PCSK9: variants seen among roughly 807,000 people sequenced by gnomAD.
PCSK9 encodes convertase subtilisin/kexin type 9 preproprotein.
A neutral mutation model predicts 62.1 loss-of-function variants in PCSK9; 57 were observed. That is an observed-to-expected ratio of 0.92 (90% CI 0.74 to 1.14). PCSK9 has a LOEUF of 1.14. Among genes scored for constraint, PCSK9 ranks in the 50% most tolerant of loss-of-function variants. The pLI, the probability that PCSK9 is intolerant of heterozygous loss-of-function variation, is 0.00. For synonymous variants in PCSK9, 387 were observed against 409.4 expected, an observed-to-expected ratio of 0.95 and a Z score of 0.66; for missense variants, 870 against 959.8, an observed-to-expected ratio of 0.91 and a Z score of 1.24.
intron 3 of PCSK9, among the ~76,000 whole-genome samples, chr1:55,048,520 G>A (rs549068537): frequency 6.6e-6 from 1 of 152,332 alleles, no homozygotes; most frequent in African/African-American, 2.4e-5. Context: ...GTCTGTGGGA[G>A]GTGGCAGGAA....
At position 55,061,452 on chromosome 1, in the gene PCSK9, C is replaced by G; in HGVS notation, c.1759C>G (p.Gln587Glu). The change falls in exon 11 of 12, where the codon CAG becomes GAG. Residue 587 changes from glutamine to glutamate, a missense_variant. Coordinates refer to ENST00000302118, the MANE Select transcript of PCSK9 (RefSeq NM_174936.4). ...GCTGAGGCCACGAGGTCAGCCCAAC[C>G]AGTGCGTGGGCCACAGGGAGGCCAG... Reference protein sequence around the residue: ...PVLRPRGQPNQCVGHREASIH... With the variant: ...PVLRPRGQPNECVGHREASIH... 6.2e-7 allele frequency: 1 copy of G among 1,608,976 alleles called. No homozygotes were observed. Among genetic ancestry groups the G allele is most frequent in the Non-Finnish European group, 8.5e-7 (1 of 1,178,428 alleles).
intron 1 of PCSK9, among the ~76,000 whole-genome samples, chr1:55,043,244 T>G (rs1482146110): frequency 6.6e-6 from 1 of 152,230 alleles, no homozygotes; most frequent in East Asian, 1.9e-4. Context: ...CTTTGCTCAC[T>G]TAGTCATCCC....
chr1:55,046,580 A>G lies in PCSK9; in HGVS notation c.457A>G (p.Ser153Gly). The change falls in exon 3 of 12, where the codon AGC (serine) becomes GGC (glycine). Residue 153 changes from serine to glycine, a missense_variant. Coordinates refer to ENST00000302118, the MANE Select transcript of PCSK9 (RefSeq NM_174936.4). ...GGAGGACTCCTCTGTCTTTGCCCAG[A>G]GCATCCCGTGGAACCTGGAGCGGAT... The part of the protein sequence containing the change: ...IEEDSSVFAQ[S>G]IPWNLERITP... The G allele has an allele frequency of 6.2e-7, 1 of 1,614,142 alleles. No homozygotes were observed. Among genetic ancestry groups the G allele is most frequent in the Non-Finnish European group, 8.5e-7 (1 of 1,180,030 alleles).
At position 55,052,761 on chromosome 1, in the gene PCSK9, G is replaced by C; in HGVS notation, c.769G>C (p.Gly257Arg). 1 of 1,613,212 alleles carries C rather than the reference G, an allele frequency of 6.2e-7. No individual in the cohort carries two copies. The highest frequency in any genetic ancestry group is 1.1e-5 in the South Asian group (1 of 91,086). ...MRSLRVLNCQ[G>R]KGTVSGTLIG... Reference sequence around the variant, plus strand: ...CAGCCTGCGCGTGCTCAACTGCCAAGGGAAGGGCACGGTTAGCGGCACCCT... The same window carrying C: ...CAGCCTGCGCGTGCTCAACTGCCAACGGAAGGGCACGGTTAGCGGCACCCT... The change falls in exon 5 of 12, where the codon GGG (glycine) becomes CGG (arginine). Residue 257 changes from glycine (G) to arginine (R), a missense_variant. Gly to Arg is a moderately radical substitution (Grantham distance 125, BLOSUM62 -2). Transcript: ENST00000302118.
chr1:55,056,263 C>T, intron 6 of PCSK9, 74 bp downstream of exon 6: 1 of 1,090,468 alleles, frequency 9.2e-7, no homozygotes. Flanking sequence ...GGCGGGCGGG[C>T]AGGCGGGCTT....
rs2100276777 is a variant in PCSK9 at position 55,046,644 on chromosome 1, C to T, written c.521C>T (p.Pro174Leu). Residue 174 changes from proline to leucine, a missense_variant and splice_region_variant, in exon 3 of 12, where the codon CCC becomes CTC. Coordinates refer to ENST00000302118, the MANE Select transcript of PCSK9 (RefSeq NM_174936.4). ...TACCGGGCGGATGAATACCAGCCCC[C>T]CGGTAAGACCCCCATCTGTGCCCTG... ...PRYRADEYQP[P>L]DGGSLVEVYL... 6.2e-7 allele frequency: 1 copy of T among 1,613,884 alleles called. No individual in the cohort carries two copies.
At chr1:55,055,348 CCCT>C (rs1461802565) in intron 5 of PCSK9, among the ~76,000 whole-genome samples, 1 of 151,398 alleles carries the variant, frequency 6.6e-6, no homozygotes, top group African/African-American at 2.4e-5. Flanking sequence ...GGGAAGTGTG[CCCT>C]TCTCATTCCT....
intron 2 of PCSK9, among the ~76,000 whole-genome samples, chr1:55,044,731 C>T (rs1644621344): frequency 6.6e-6 from 1 of 152,202 alleles, no homozygotes; most frequent in Non-Finnish European, 1.5e-5. Flanking sequence ...CTCCTGCAGA[C>T]AGTGAGGCCC....
At position 55,060,682 on chromosome 1, in the gene PCSK9, G is replaced by A. The variant is rs28362272; in HGVS notation, c.1682-693G>A. On this transcript the variant is annotated intron_variant, in intron 10 of 11. Transcript: ENST00000302118. ...GTCATGGAATCTGACTCCATGAAGCGCACCTCAAAGAGCACCATTTTGCAG... is the reference window on the plus strand; with the variant it reads ...GTCATGGAATCTGACTCCATGAAGCACACCTCAAAGAGCACCATTTTGCAG... Among the ~76,000 whole-genome samples the A allele has an allele frequency of 3.4e-3, 524 of 152,258 alleles. 5 individuals are homozygous for A. Among genetic ancestry groups the A allele is most frequent in the African/African-American group, 0.012 (499 of 41,540 alleles).
chr1:55,046,065 A>T (rs757243841), intron 2 of PCSK9, among the ~76,000 whole-genome samples: 2 of 152,172 alleles, frequency 1.3e-5, no homozygotes, highest in Admixed American at 1.3e-4. Context: ...GCTGAGCCCA[A>T]CTGGAAGCTT....
At chr1:55,050,906 G>A (rs558411775) in intron 3 of PCSK9, 8 of 343,154 alleles carry the variant, frequency 2.3e-5, no homozygotes, top group African/African-American at 4.4e-5. Context: ...TGGATTATGC[G>A]GTGGGCTGTA....
At chr1:55,052,840 G>T (rs1557504006) in intron 5 of PCSK9, 49 bp downstream of exon 5, 1 of 1,612,440 alleles carries the variant, frequency 6.2e-7, no homozygotes, top group South Asian at 1.1e-5. Context: ...GACCTGGCCT[G>T]GGAGGTGGCT....
At chr1:55,049,459 G>A (rs1270841227) in intron 3 of PCSK9, among the ~76,000 whole-genome samples, 2 of 152,234 alleles carry the variant, frequency 1.3e-5, no homozygotes, top group Non-Finnish European at 2.9e-5. Context: ...AGGCCACAGA[G>A]CTTTCCAGAG....
At chr1:55,044,229 A>C (rs2100268359) in intron 2 of PCSK9, among the ~76,000 whole-genome samples, 195 bp downstream of exon 2, 1 of 152,302 alleles carries the variant, frequency 6.6e-6, no homozygotes, top group East Asian at 1.9e-4. Context: ...GCCATGCCCC[A>C]GTGGTACGTC....
At chr1:55,045,803 G>A (rs943032372) in intron 2 of PCSK9, among the ~76,000 whole-genome samples, 1 of 151,554 alleles carries the variant, frequency 6.6e-6, no homozygotes, top group African/African-American at 2.4e-5. Flanking sequence ...TCTGCCTCCC[G>A]GGTTCAAGCG....
intron 3 of PCSK9, among the ~76,000 whole-genome samples, chr1:55,048,373 G>T (rs534473): frequency 0.75 from 114,828 of 152,176 alleles, 44,291 homozygotes; most frequent in South Asian, 0.84. Flanking sequence ...ACAGCCACAG[G>T]TTGTGGGGGT....
In PCSK9 at chr1:55,056,024, C is replaced by G. The variant is rs138038246; in HGVS notation, c.831C>G (p.Val277=). The change falls in exon 6 of 12, where the codon GTC becomes GTG. Residue 277 remains valine (V), a synonymous_variant. Transcript: ENST00000302118. ...AGTTTATTCGGAAAAGCCAGCTGGT[C>G]CAGCCTGTGGGGCCACTGGTGGTGC... ...GLEFIRKSQL[V]QPVGPLVVLL... is the part of the protein sequence containing the mutation. The G allele has an allele frequency of 6.2e-7, 1 of 1,610,302 alleles. No homozygotes were observed. The highest frequency in any genetic ancestry group is 8.5e-7 in the Non-Finnish European group (1 of 1,177,784).
chr1:55,044,088 A>C, intron 2 of PCSK9, 54 bp downstream of exon 2: 1 of 1,590,440 alleles, frequency 6.3e-7, no homozygotes, highest in African/African-American at 1.3e-5. Flanking sequence ...GCCACTGCAT[A>C]TACACTGGGG....
chr1:55,050,218 G>T (rs143679701), intron 3 of PCSK9, among the ~76,000 whole-genome samples: 1 of 152,224 alleles, frequency 6.6e-6, no homozygotes, highest in African/African-American at 2.4e-5. Flanking sequence ...CAGCCAGCCC[G>T]GGGCCTCTGC....
Sources: allele counts gnomAD v4.1 joint callset (sites outside exome capture counted in the v4.1 genomes callset), GRCh38; gene constraint gnomAD v4.1.1; transcripts MANE v1.5; gene names NCBI Gene and HGNC (gene_info 2026-07-23, HGNC 2026-07-21).